VAT1L: variants seen among roughly 807,000 people sequenced by gnomAD.
VAT1L encodes the protein putative NADPH-dependent quinone oxidoreductase VAT1L.
VAT1L carries 34 observed loss-of-function variants against 44.1 expected under a neutral mutation model. The observed-to-expected ratio is 0.77, with a 90% CI of 0.59 to 1.03. The LOEUF (loss-of-function observed/expected upper bound fraction) is 1.03, where lower values mean the gene tolerates loss of function less well. Ranked by LOEUF, VAT1L falls within the 50% of genes least tolerant of loss-of-function variation. The pLI is 0.00. For missense variants in VAT1L, 615 were observed against 538.8 expected, an observed-to-expected ratio of 1.14 and a Z score of -1.40; for synonymous variants, 253 against 202.2, an observed-to-expected ratio of 1.25 and a Z score of -2.13.
At position 77,826,299 on chromosome 16, in the gene VAT1L, C is replaced by T. The variant is rs149045048; in HGVS notation, c.579+838C>T. Among the ~76,000 whole-genome samples, 47 of 152,006 alleles carry T rather than the reference C, an allele frequency of 3.1e-4. 1 individual carries two copies. In the East Asian group the frequency reaches 6.8e-3, roughly 22 times the overall value. On this transcript the variant is annotated intron_variant, in intron 3 of 8. Transcript: ENST00000302536. ...AATCATTGTAAGACGTCTCACAAGTCATCTACTACTGCTATTATTTGAAAT... is the reference window on the plus strand; with the variant it reads ...AATCATTGTAAGACGTCTCACAAGTTATCTACTACTGCTATTATTTGAAAT...
intron 7 of VAT1L, among the ~76,000 whole-genome samples, chr16:77,925,746 C>G (rs1320879138): frequency 1.3e-5 from 2 of 152,114 alleles, no homozygotes; most frequent in African/African-American, 4.8e-5. Flanking sequence ...AGATGGTGAT[C>G]CTGCAGAGTT....
chr16:77,874,538 G>A (rs1471169100), intron 4 of VAT1L, among the ~76,000 whole-genome samples: 1 of 151,766 alleles, frequency 6.6e-6, no homozygotes, highest in African/African-American at 2.4e-5. Context: ...TCAACCACAG[G>A]GCCTTTGCAC....
Position 77,828,522 on chromosome 16 carries a change from G to A in VAT1L, c.579+3061G>A, listed in dbSNP as rs188289678. ...TCTATAAAAATACAAAATTAGCTGG[G>A]CATGGTGGCGCATGCCTGTAATCCC... On this transcript the variant is annotated intron_variant, in intron 3 of 8. Coordinates refer to ENST00000302536, the MANE Select transcript of VAT1L (RefSeq NM_020927.3). Among the ~76,000 whole-genome samples the A allele has an allele frequency of 5.3e-5, 8 of 152,324 alleles. No homozygotes were observed. In the East Asian group the frequency reaches 1.4e-3, roughly 26 times the overall value.
At chr16:77,912,869 G>T (rs1411765316) in intron 7 of VAT1L, among the ~76,000 whole-genome samples, 1 of 152,174 alleles carries the variant, frequency 6.6e-6, no homozygotes, top group Non-Finnish European at 1.5e-5. Flanking sequence ...GTAGATGGCC[G>T]TCTTCTCACT....
chr16:77,975,508 G>A (rs1035815296), intron 8 of VAT1L, among the ~76,000 whole-genome samples: 9 of 152,076 alleles, frequency 5.9e-5, no homozygotes, highest in African/African-American at 2.2e-4. Context: ...CACCGCGCCC[G>A]GCCATGACCA....
chr16:77,913,682 C>CA (rs1429562640), intron 7 of VAT1L, among the ~76,000 whole-genome samples: 1 of 152,090 alleles, frequency 6.6e-6, no homozygotes, highest in Non-Finnish European at 1.5e-5. Flanking sequence ...TGGACTGGGC[C>CA]AGGTTATTCT....
intron 8 of VAT1L, among the ~76,000 whole-genome samples, chr16:77,976,165 A>T (rs2018337969): frequency 6.6e-6 from 1 of 152,238 alleles, no homozygotes; most frequent in Non-Finnish European, 1.5e-5. Context: ...AACTGCAGAG[A>T]CATGGTCCTC....
At chr16:77,938,893 C>T (rs3886360) in intron 7 of VAT1L, among the ~76,000 whole-genome samples, 65,104 of 151,918 alleles carry the variant, frequency 0.43, 14,516 homozygotes, top group East Asian at 0.72. Context: ...ATTGCTTTTT[C>T]TAAAGAAGAG....
Position 77,788,628 on chromosome 16 carries a change from A to G in VAT1L, c.-55A>G. On this transcript the variant is annotated 5_prime_UTR_variant, in exon 1 of 9. Transcript: ENST00000302536. ...CGCGGGAGAGGAGCCCCACTCCCCC[A>G]GCGCCGCAGCCACCGCAGCCACCGC... is the stretch of plus-strand genomic sequence containing the variant. The G allele has an allele frequency of 1.3e-6, 2 of 1,536,302 alleles. No homozygotes were observed. The highest frequency in any genetic ancestry group is 1.8e-6 in the Non-Finnish European group (2 of 1,139,800).
chr16:77,862,692 CTGGCTATGATCTGG>C (rs2016928217), intron 3 of VAT1L, 42 bp from the exon 4 acceptor site: 2 of 1,431,116 alleles, frequency 1.4e-6, no homozygotes, highest in Admixed American at 2.0e-5. Flanking sequence ...CCCAGCAAGA[CTGGCTATGATCTGG>C]TGGCTCCTAT....
At chr16:77,954,132 GA>G (rs2018075729) in intron 7 of VAT1L, among the ~76,000 whole-genome samples, 1 of 152,144 alleles carries the variant, frequency 6.6e-6, no homozygotes, top group Non-Finnish European at 1.5e-5. Flanking sequence ...ATAATTAACA[GA>G]AAAACAATAT....
chr16:77,886,293 T>C (rs1204428698), intron 7 of VAT1L, among the ~76,000 whole-genome samples: 6 of 152,176 alleles, frequency 3.9e-5, no homozygotes, highest in South Asian at 2.1e-4. Context: ...TCATATCTCA[T>C]TGGAACAGGG....
intron 3 of VAT1L, among the ~76,000 whole-genome samples, chr16:77,849,101 G>C (rs551265911): frequency 1.6e-4 from 24 of 152,156 alleles, no homozygotes; most frequent in Non-Finnish European, 2.9e-4. Flanking sequence ...ATGATGGGTT[G>C]ATGGGTGCAG....
At chr16:77,904,978 C>T (rs1779743261) in intron 7 of VAT1L, among the ~76,000 whole-genome samples, 1 of 152,120 alleles carries the variant, frequency 6.6e-6, no homozygotes, top group African/African-American at 2.4e-5. Flanking sequence ...AAAAAAACAA[C>T]TGGTGGTAAA....
intron 7 of VAT1L, among the ~76,000 whole-genome samples, chr16:77,924,513 T>C (rs557289219): frequency 6.6e-6 from 1 of 152,188 alleles, no homozygotes; most frequent in East Asian, 1.9e-4. Context: ...CAGGCTGGAG[T>C]GCAGTGACAC....
rs143279587 is a variant in VAT1L, at chr16:77,935,804, A to T, written c.1078-36046A>T. Among the ~76,000 whole-genome samples the T allele has an allele frequency of 2.5e-3, 377 of 152,310 alleles. 2 individuals carry two copies. The highest frequency in any genetic ancestry group is 8.5e-3 in the African/African-American group (353 of 41,562). ...AAACTACCTGTGTGACCATGGACAA[A>T]ATATCTAAACCCTATGAGCTTCAGT... is the stretch of plus-strand genomic sequence containing the variant. On this transcript the variant is annotated intron_variant, in intron 7 of 8. Transcript: ENST00000302536.
intron 7 of VAT1L, among the ~76,000 whole-genome samples, chr16:77,932,610 A>T (rs902045329): frequency 2.6e-5 from 4 of 152,174 alleles, no homozygotes; most frequent in African/African-American, 9.7e-5. Flanking sequence ...TAGCAACACA[A>T]TATCTTACAC....
intron 8 of VAT1L, among the ~76,000 whole-genome samples, chr16:77,974,055 A>G (rs1425927443): frequency 6.6e-6 from 1 of 152,200 alleles, no homozygotes; most frequent in Non-Finnish European, 1.5e-5. Context: ...TTGACTTGTA[A>G]CCATAATGTA....
In VAT1L at chr16:77,862,780, C is replaced by T; in HGVS notation, c.612C>T (p.Val204=). 1 of 1,614,010 alleles carries T rather than the reference C, an allele frequency of 6.2e-7. No individual in the cohort carries two copies. The highest frequency in any genetic ancestry group is 1.7e-5 in the Admixed American group (1 of 60,004). Residue 204 remains valine, a synonymous_variant, in exon 4 of 9, where the codon GTC becomes GTT. Transcript: ENST00000302536. Reference sequence around the variant, plus strand: ...CTGTGGCTCAGCTGTGTTCCACTGTCCCCAACGTGACTGTCTTTGGAACAG... The same window carrying T: ...CTGTGGCTCAGCTGTGTTCCACTGTTCCCAACGTGACTGTCTTTGGAACAG... ...GQAVAQLCST[V]PNVTVFGTAS...
Sources: allele counts gnomAD v4.1 joint callset (sites outside exome capture counted in the v4.1 genomes callset), GRCh38; gene constraint gnomAD v4.1.1; transcripts MANE v1.5; gene names NCBI Gene and HGNC (gene_info 2026-07-23, HGNC 2026-07-21).